MAP3K1: variants seen among roughly 807,000 people sequenced by gnomAD.
MAP3K1 encodes the protein MAP/ERK kinase kinase 1.
MAP3K1 carries 36 observed loss-of-function variants against 144.2 expected under a neutral mutation model. That is an observed-to-expected ratio of 0.25 (90% CI 0.19 to 0.33). MAP3K1 has a LOEUF of 0.33. MAP3K1 is among the 10% of genes least tolerant of loss of function. MAP3K1 has a pLI of 1.00. For missense variants in MAP3K1, 1,650 were observed against 1,881.9 expected, an observed-to-expected ratio of 0.88 and a Z score of 2.28; for synonymous variants, 718 against 688.7, an observed-to-expected ratio of 1.04 and a Z score of -0.67.
rs571477544 is a variant in MAP3K1, at chr5:56,855,554, A to AT, written c.483-1037dup. 3.8e-3 allele frequency among the ~76,000 whole-genome samples: 573 copies of AT among 151,588 alleles called. 3 individuals carry two copies. The highest frequency in any genetic ancestry group is 6.7e-3 in the Non-Finnish European group (452 of 67,816). On this transcript the variant is annotated intron_variant, in intron 1 of 19. Transcript: ENST00000399503. The stretch of plus-strand genomic sequence containing the variant: ...GTTAACCGTTTCCTTTCTAGTGAAT[A>AT]TTTTTTTTTAAGTAGTTTCTTCTTC...
intron 1 of MAP3K1, among the ~76,000 whole-genome samples, chr5:56,850,734 A>G (rs1747144359): frequency 6.6e-6 from 1 of 152,162 alleles, no homozygotes; most frequent in East Asian, 1.9e-4. Context: ...TCCGATGGAA[A>G]AGACCTCACA....
intron 1 of MAP3K1, among the ~76,000 whole-genome samples, chr5:56,855,274 A>AT (rs1262083790): frequency 6.6e-6 from 1 of 152,132 alleles, no homozygotes; most frequent in Non-Finnish European, 1.5e-5. Context: ...CCAAGCACAT[A>AT]TAAGTAAATT....
Position 56,815,671 on chromosome 5 carries a change from C to T in MAP3K1, c.98C>T (p.Ala33Val). The T allele has an allele frequency of 2.3e-6, 3 of 1,310,216 alleles. No homozygotes were observed. Among genetic ancestry groups the T allele is most frequent in the Non-Finnish European group, 2.9e-6 (3 of 1,032,828 alleles). The allele number at this position is 1,310,216 out of a possible 1,614,324, so 81.2% of individuals were successfully genotyped here. ...EAGGGGGALK[A>V]SSAPAAAAGL... ...GGCGGCGGCGGAGGAGCCCTCAAGG[C>T]GAGCAGCGCGCCCGCGGCTGCCGCG... Residue 33 changes from alanine to valine, a missense_variant, in exon 1 of 20, where the codon GCG (alanine) becomes GTG (valine). By Grantham distance (64) the Ala-to-Val change is moderately conservative. Around this residue, in one of 6 missense-constraint regions of MAP3K1, gnomAD observed 360 missense variants for 274.7 expected, o/e 1.31. Transcript: ENST00000399503.
chr5:56,844,430 T>C (rs543472004), intron 1 of MAP3K1, among the ~76,000 whole-genome samples: 72 of 152,052 alleles, frequency 4.7e-4, no homozygotes, highest in Admixed American at 7.9e-4. Flanking sequence ...CCGCCCGCCT[T>C]GGCCTCCCAA....
chr5:56,877,880 CCTTGACAG>C (rs1162796664), intron 10 of MAP3K1, among the ~76,000 whole-genome samples: 2 of 152,122 alleles, frequency 1.3e-5, no homozygotes, highest in Non-Finnish European at 2.9e-5. Flanking sequence ...TTTTTAATGA[CCTTGACAG>C]ATACTTTCAA....
chr5:56,821,084 G>A lies in MAP3K1; in HGVS notation c.482+5029G>A, dbSNP rs957761365. On this transcript the variant is annotated intron_variant, in intron 1 of 19. Transcript: ENST00000399503. ...TAGTAACAGCAACTCTACTAGTTAC[G>A]AAAACAACATGGAGAAATATAAAAT... Among the ~76,000 whole-genome samples, 10 of 152,134 alleles carry A rather than the reference G, an allele frequency of 6.6e-5. No individual in the cohort carries two copies. The South Asian group carries it at 1.2e-3, about 19-fold the overall frequency.
At chr5:56,851,917 C>T (rs1214885534) in intron 1 of MAP3K1, 1 of 152,182 alleles carries the variant, frequency 6.6e-6, no homozygotes, top group Non-Finnish European at 1.5e-5. Context: ...CCTGGAAGAG[C>T]TCACAATGTG....
chr5:56,818,714 A>G (rs374167482), intron 1 of MAP3K1, among the ~76,000 whole-genome samples: 4 of 152,186 alleles, frequency 2.6e-5, no homozygotes, highest in Non-Finnish European at 4.4e-5. Flanking sequence ...TGAACAGCCT[A>G]TTGTGAGTTT....
intron 19 of MAP3K1, among the ~76,000 whole-genome samples, chr5:56,890,201 T>C (rs545739678): frequency 3.3e-5 from 5 of 152,332 alleles, no homozygotes; most frequent in South Asian, 2.1e-4. Context: ...CAGAGTCTTA[T>C]ACAGAAGTTG....
intron 3 of MAP3K1, among the ~76,000 whole-genome samples, chr5:56,862,542 A>C (rs770316622): frequency 7.9e-5 from 12 of 152,300 alleles, no homozygotes; most frequent in Non-Finnish European, 1.2e-4. Context: ...CATTCTTTTT[A>C]ACAGTTACAT....
intron 3 of MAP3K1, among the ~76,000 whole-genome samples, chr5:56,863,877 G>T (rs560905156): frequency 6.6e-6 from 1 of 152,280 alleles, no homozygotes; most frequent in South Asian, 2.1e-4. Flanking sequence ...AGGAAAGTTA[G>T]TATAGTGAGA....
Position 56,827,678 on chromosome 5 carries a change from A to T in MAP3K1, c.482+11623A>T, listed in dbSNP as rs151064636. Among the ~76,000 whole-genome samples, 662 of 152,300 alleles carry T rather than the reference A, an allele frequency of 4.3e-3. 16 individuals carry two copies. The East Asian group carries it at 0.081, about 19-fold the overall frequency. On this transcript the variant is annotated intron_variant, in intron 1 of 19. Transcript: ENST00000399503. ...CAGGAGTTCGAGACCAGCCAGGCCA[A>T]CATGGTGAAACCCCGTCTCTACTAA...
chr5:56,858,216 C>T (rs6862350), intron 2 of MAP3K1, among the ~76,000 whole-genome samples: 227 of 152,312 alleles, frequency 1.5e-3, no homozygotes, highest in African/African-American at 5.3e-3. Flanking sequence ...GCTTTCTGAG[C>T]TCCTTTAGAT....
chr5:56,825,321 A>G (rs889541598), intron 1 of MAP3K1, among the ~76,000 whole-genome samples: 1 of 152,158 alleles, frequency 6.6e-6, no homozygotes, highest in Non-Finnish European at 1.5e-5. Flanking sequence ...CCAGGTCTAG[A>G]TTCTTAAATA....
At chr5:56,875,882 A>G (rs1033422270) in intron 10 of MAP3K1, among the ~76,000 whole-genome samples, 3 of 152,182 alleles carry the variant, frequency 2.0e-5, no homozygotes, top group Non-Finnish European at 2.9e-5. Flanking sequence ...CTGATTTTTT[A>G]AAAAATTTAT....
Position 56,894,041 on chromosome 5 carries a change from A to G in MAP3K1, c.*361A>G, listed in dbSNP as rs1023156391. The G allele has an allele frequency of 1.7e-4, 65 of 379,228 alleles. No individual in the cohort carries two copies. The highest frequency in any genetic ancestry group is 1.2e-3 in the African/African-American group (61 of 50,060). The allele number at this position is 379,228 out of a possible 1,614,324, so 23.5% of individuals were successfully genotyped here. A position where few individuals can be genotyped will look rare whatever the true frequency, so the allele number is the denominator to read the frequency against. On this transcript the variant is annotated 3_prime_UTR_variant, in exon 20 of 20. Transcript: ENST00000399503. Reference sequence around the variant, plus strand: ...GCTCAGGATCTATTTTAATATTTCAATTATTCTTCCATTTCATATAGTGAT... The same window carrying G: ...GCTCAGGATCTATTTTAATATTTCAGTTATTCTTCCATTTCATATAGTGAT...
intron 2 of MAP3K1, among the ~76,000 whole-genome samples, chr5:56,858,262 C>G (rs1747398769): frequency 1.3e-5 from 2 of 152,204 alleles, no homozygotes; most frequent in African/African-American, 2.4e-5. Flanking sequence ...TTTGAGAATA[C>G]CGTAGGGCAT....
At chr5:56,873,114 C>T in intron 9 of MAP3K1, 109 bp downstream of exon 9, 1 of 1,013,198 alleles carries the variant, frequency 9.9e-7, no homozygotes, top group Non-Finnish European at 1.5e-6. Flanking sequence ...TTTTACTTGC[C>T]TCCATCATGA....
Position 56,882,332 on chromosome 5 carries a change from A to C in MAP3K1, c.3132A>C (p.Pro1044=). The change falls in exon 14 of 20, where the codon CCA becomes CCC. Residue 1044 remains proline, a synonymous_variant. Coordinates refer to ENST00000399503, the MANE Select transcript of MAP3K1 (RefSeq NM_005921.2). ...ACAAAGACTCAGATAAACTTTCCCCAGTCTTTACTCAGTCAAGACCCTTGC... is the reference window on the plus strand; with the variant it reads ...ACAAAGACTCAGATAAACTTTCCCCCGTCTTTACTCAGTCAAGACCCTTGC... ...PENKDSDKLS[P]VFTQSRPLPS... is the part of the protein sequence containing the mutation. The C allele has an allele frequency of 6.2e-7, 1 of 1,614,192 alleles. No homozygotes were observed. The highest frequency in any genetic ancestry group is 8.5e-7 in the Non-Finnish European group (1 of 1,180,036).
Sources: allele counts gnomAD v4.1 joint callset (sites outside exome capture counted in the v4.1 genomes callset), GRCh38; gene constraint gnomAD v4.1.1; regional missense constraint gnomAD v4.1.1; transcripts MANE v1.5; gene names NCBI Gene and HGNC (gene_info 2026-07-23, HGNC 2026-07-21).